The following DOK5 variants were observed in gnomAD, a reference collection of about 807,000 sequenced individuals.
DOK5 encodes the protein downstream of tyrosine kinase 5.
A neutral mutation model predicts 43.3 loss-of-function variants in DOK5; 27 were observed. That is an observed-to-expected ratio of 0.62 (90% CI 0.46 to 0.86). DOK5 has a LOEUF of 0.86. Among genes scored for constraint, DOK5 ranks in the 40% least tolerant of loss-of-function variants. The probability of loss-of-function intolerance (pLI) is 0.00; values close to 1 mark genes in which losing one functional copy is unlikely to be tolerated. For missense variants in DOK5, 373 were observed against 392.9 expected (o/e 0.95, Z 0.43); for synonymous variants, 146 against 140.1 (o/e 1.04, Z -0.30).
intron 1 of DOK5, among the ~76,000 whole-genome samples, chr20:54,520,968 G>T (rs930032629): frequency 6.6e-6 from 1 of 151,644 alleles, no homozygotes; most frequent in African/African-American, 2.4e-5. Flanking sequence ...CTTAATTATG[G>T]TAGACACACT....
chr20:54,621,675 C>T (rs1035912341), intron 6 of DOK5, among the ~76,000 whole-genome samples: 3 of 149,848 alleles, frequency 2.0e-5, no homozygotes, highest in East Asian at 2.0e-4. Flanking sequence ...GGCAATAGAA[C>T]GAGACTCGGC....
At chr20:54,616,057 T>A (rs1365549666) in intron 6 of DOK5, among the ~76,000 whole-genome samples, 1 of 152,160 alleles carries the variant, frequency 6.6e-6, no homozygotes, top group Non-Finnish European at 1.5e-5. Flanking sequence ...CACCACTTGC[T>A]GGTAATTTGT....
At chr20:54,561,071 AC>A (rs1438146473) in intron 2 of DOK5, among the ~76,000 whole-genome samples, 4 of 151,928 alleles carry the variant, frequency 2.6e-5, no homozygotes, top group African/African-American at 9.7e-5. Context: ...TGCATGCAGC[AC>A]TCCCGCTGTA....
At position 54,614,832 on chromosome 20, in the gene DOK5, T is replaced by C. The variant is rs781444267; in HGVS notation, c.735+4309T>C. Among the ~76,000 whole-genome samples the C allele has an allele frequency of 6.6e-5, 10 of 152,332 alleles. No homozygotes were observed. In the South Asian group the frequency reaches 8.3e-4, roughly 13 times the overall value. On this transcript the variant is annotated intron_variant, in intron 6 of 7. Transcript: ENST00000262593. ...TGAAAAGCTTAAAATCAATGTACTT[T>C]AGTCAATCTCTGATTAGGGGATACC...
At chr20:54,650,271 A>G in intron 7 of DOK5, 144 bp from the exon 8 acceptor site, 2 of 669,638 alleles carry the variant, frequency 3.0e-6, no homozygotes, top group South Asian at 1.9e-5. Context: ...TGACTCATTT[A>G]CATATCATCC....
intron 6 of DOK5, among the ~76,000 whole-genome samples, chr20:54,642,562 A>AAAG (rs1555839396): frequency 6.0e-5 from 9 of 149,354 alleles, no homozygotes; most frequent in African/African-American, 2.3e-4. Context: ...AAAAAAAAAA[A>AAAG]AAAAAAGAAA....
chr20:54,488,704 C>T (rs1214756467), intron 1 of DOK5, among the ~76,000 whole-genome samples: 1 of 150,520 alleles, frequency 6.6e-6, no homozygotes, highest in Non-Finnish European at 1.5e-5. Context: ...CCTTCCCTCC[C>T]TCCCTTCCAT....
chr20:54,543,323 A>C (rs1984229584), intron 1 of DOK5, among the ~76,000 whole-genome samples: 1 of 8,868 alleles, frequency 1.1e-4, no homozygotes, highest in South Asian at 3.5e-3. Context: ...CTTCGTGGAC[A>C]GTGGGGGGTG....
chr20:54,484,266 C>G (rs1981837875), intron 1 of DOK5, among the ~76,000 whole-genome samples: 1 of 152,006 alleles, frequency 6.6e-6, no homozygotes, highest in African/African-American at 2.4e-5. Context: ...GTAATCCCAG[C>G]TACTCAGGGG....
At chr20:54,638,406 G>C (rs914926485) in intron 6 of DOK5, among the ~76,000 whole-genome samples, 4 of 152,128 alleles carry the variant, frequency 2.6e-5, no homozygotes, top group Non-Finnish European at 5.9e-5. Context: ...GGAAATGCCT[G>C]GGCTGAATGG....
At chr20:54,583,054 G>A (rs1016000670) in intron 2 of DOK5, among the ~76,000 whole-genome samples, 22 of 151,812 alleles carry the variant, frequency 1.4e-4, no homozygotes, top group South Asian at 6.3e-4. Flanking sequence ...CACAAATTTC[G>A]GTATGCTGTG....
chr20:54,475,640 A>AGCC lies in DOK5; in HGVS notation c.-298_-296dup. 4.2e-6 allele frequency: 2 copies of AGCC among 474,376 alleles called. No individual in the cohort carries two copies. The highest frequency in any genetic ancestry group is 5.8e-4 in the Middle Eastern group (1 of 1,722). 29.4% of individuals were successfully genotyped at this position (474,376 alleles called of 1,614,324 possible). A position where few individuals can be genotyped will look rare whatever the true frequency, so the allele number is the denominator to read the frequency against. ...GGGAGGAGGCAGGGCTGGATCCCTC[A>AGCC]GCCGCCGCCGCTCCTCCTCCTGGCA... On this transcript the variant is annotated 5_prime_UTR_variant, in exon 1 of 8. Transcript: ENST00000262593. The surrounding 1 kb of genome is among the most constrained non-coding windows in gnomAD (Gnocchi z 4.2).
intron 7 of DOK5, among the ~76,000 whole-genome samples, chr20:54,644,710 A>AAAAAAAACAAAAAAAC (rs1979298355): frequency 9.8e-6 from 1 of 102,210 alleles, no homozygotes; most frequent in Non-Finnish European, 2.0e-5. Context: ...CGTCTCAAAA[A>AAAAAAAACAAAAAAAC]AAAAAAAAAA....
chr20:54,592,626 C>T (rs545664300), intron 5 of DOK5, among the ~76,000 whole-genome samples: 2 of 151,756 alleles, frequency 1.3e-5, no homozygotes, highest in South Asian at 2.1e-4. Flanking sequence ...CTGCAAGCTC[C>T]GCCTCCCGGG....
rs143277216 is a variant in DOK5, at chr20:54,615,032, G to T, written c.735+4509G>T. ...TATGAGATGGCCAAGTTCATAACCG[G>T]AGAAAGACGGCAAAACTCATATCTG... On this transcript the variant is annotated intron_variant, in intron 6 of 7. Transcript: ENST00000262593. Among the ~76,000 whole-genome samples the T allele has an allele frequency of 9.0e-4, 137 of 152,294 alleles. 1 individual carries two copies. The East Asian group carries it at 0.026, about 28-fold the overall frequency.
chr20:54,624,898 A>G (rs1638372531), intron 6 of DOK5, among the ~76,000 whole-genome samples: 1 of 151,982 alleles, frequency 6.6e-6, no homozygotes, highest in Admixed American at 6.6e-5. Flanking sequence ...TGTAAGCCAC[A>G]ATGGAGGCAT....
intron 1 of DOK5, among the ~76,000 whole-genome samples, chr20:54,520,312 A>G (rs1057467832): frequency 1.3e-5 from 2 of 152,188 alleles, no homozygotes; most frequent in African/African-American, 2.4e-5. Flanking sequence ...TTCAAAACAC[A>G]TCTGGATATA....
At chr20:54,603,005 T>C (rs1986345253) in intron 5 of DOK5, among the ~76,000 whole-genome samples, 1 of 152,212 alleles carries the variant, frequency 6.6e-6, no homozygotes, top group Non-Finnish European at 1.5e-5. Flanking sequence ...TTTCAATTTA[T>C]AACAGGGGAT....
At chr20:54,645,864 T>C (rs988159859) in intron 7 of DOK5, among the ~76,000 whole-genome samples, 1 of 148,950 alleles carries the variant, frequency 6.7e-6, no homozygotes, top group Non-Finnish European at 1.5e-5. Flanking sequence ...TATTTACATT[T>C]TAGTTTTCAT....
Sources: gnomAD v4.1 joint callset for allele counts (sites outside exome capture counted in the v4.1 genomes callset) on GRCh38, gnomAD v4.1.1 for gene constraint, Gnocchi (gnomAD v3.1) non-coding constraint, MANE v1.5 for transcripts, NCBI Gene and HGNC (gene_info 2026-07-23, HGNC 2026-07-21) for gene names.